Variants in PPFIBP1 observed in about 807,000 individuals in gnomAD.
PPFIBP1 encodes the protein PPFIB scaffold protein 1, also known as liprin-beta-1.
A neutral mutation model predicts 137.8 loss-of-function variants in PPFIBP1; 112 were observed. The observed-to-expected ratio is 0.81, with a 90% confidence interval of 0.70 to 0.95. The LOEUF (loss-of-function observed/expected upper bound fraction) is 0.95. PPFIBP1 is among the 40% of genes least tolerant of loss of function. The pLI, the probability that PPFIBP1 is intolerant of heterozygous loss-of-function variation, is 0.00. For missense variants in PPFIBP1, 1,083 were observed against 1,196.6 expected, an observed-to-expected ratio of 0.91 and a Z score of 1.40; for synonymous variants, 378 against 417.3, an observed-to-expected ratio of 0.91 and a Z score of 1.15.
intron 1 of PPFIBP1, among the ~76,000 whole-genome samples, chr12:27,570,118 A>G (rs2050015668): frequency 6.6e-6 from 1 of 152,294 alleles, no homozygotes; most frequent in South Asian, 2.1e-4. Flanking sequence ...ATGGCTGTTT[A>G]ATATGCATTT....
chr12:27,594,081 AAAAAAAGAAAAGAAG>A (rs2137410183), intron 2 of PPFIBP1: 1 of 1,253,812 alleles, frequency 8.0e-7, no homozygotes, highest in Non-Finnish European at 1.0e-6. Context: ...GAGAAGCTTC[AAAAAAAGAAAAGAAG>A]AAAAAAGAAA....
intron 10 of PPFIBP1, among the ~76,000 whole-genome samples, chr12:27,659,763 A>G (rs2139886968): frequency 6.6e-6 from 1 of 152,272 alleles, no homozygotes; most frequent in Non-Finnish European, 1.5e-5. Flanking sequence ...CCAATGCTGA[A>G]TGATGCACCA....
rs932942500 is a variant in PPFIBP1 at position 27,645,903 on chromosome 12, A to G, written c.271-159A>G. ...ATGCCTGTCTTACCTCTTTTGTGGT[A>G]AATGAACCAAATTGCATTCTCGTAT... On this transcript the variant is annotated intron_variant, in intron 4 of 29. Coordinates refer to ENST00000228425, the MANE Select transcript of PPFIBP1 (RefSeq NM_003622.4). Among the ~76,000 whole-genome samples, 136 of 152,238 alleles carry G rather than the reference A, an allele frequency of 8.9e-4. 1 individual carries two copies. Among genetic ancestry groups the G allele is most frequent in the African/African-American group, 3.1e-3 (128 of 41,458 alleles).
At chr12:27,660,313 G>C (rs960833477) in intron 10 of PPFIBP1, among the ~76,000 whole-genome samples, 1 of 152,108 alleles carries the variant, frequency 6.6e-6, no homozygotes, top group Non-Finnish European at 1.5e-5. Flanking sequence ...TTTATGTCTT[G>C]AAATCTATCT....
intron 4 of PPFIBP1, among the ~76,000 whole-genome samples, chr12:27,644,008 C>T (rs1448731276): frequency 6.6e-6 from 1 of 150,784 alleles, no homozygotes; most frequent in Non-Finnish European, 1.5e-5. Flanking sequence ...CCATATCATA[C>T]AAAGTAGCTT....
At chr12:27,654,918 A>C (rs1363024528) in intron 8 of PPFIBP1, 104 bp downstream of exon 8, 17 of 1,443,656 alleles carry the variant, frequency 1.2e-5, no homozygotes, top group Non-Finnish European at 1.5e-5. Flanking sequence ...ATGATAAAGA[A>C]GGTATTTTAA....
intron 7 of PPFIBP1, among the ~76,000 whole-genome samples, chr12:27,653,127 C>A (rs149472289): frequency 1.8e-3 from 280 of 152,206 alleles, no homozygotes; most frequent in African/African-American, 6.6e-3. Context: ...CTTCTCTTAG[C>A]CTTTGTGAAC....
chr12:27,627,386 G>A (rs2056906582), intron 2 of PPFIBP1, among the ~76,000 whole-genome samples: 1 of 152,152 alleles, frequency 6.6e-6, no homozygotes, highest in African/African-American at 2.4e-5. Flanking sequence ...GAATACTGTG[G>A]CGTTCTACCA....
intron 1 of PPFIBP1, chr12:27,547,010 AAAAC>A (rs1457714653): frequency 1.3e-5 from 2 of 152,332 alleles, no homozygotes; most frequent in Non-Finnish European, 2.9e-5. Context: ...TCAAAAAACA[AAAAC>A]AAATAACCAG....
In PPFIBP1 at chr12:27,672,412, T is replaced by G; in HGVS notation, c.1263-15T>G. 1 of 1,595,704 alleles carries G rather than the reference T, an allele frequency of 6.3e-7. No homozygotes were observed. Among genetic ancestry groups the G allele is most frequent in the African/African-American group, 1.3e-5 (1 of 74,614 alleles). On this transcript the variant is annotated splice_polypyrimidine_tract_variant and intron_variant, in intron 14 of 29. Transcript: ENST00000228425. The stretch of plus-strand genomic sequence containing the variant: ...TCGTGAAGTTAATAAATACCTTTTG[T>G]TCTTTACATTTTAGTGATGGAAACA...
chr12:27,564,166 T>G (rs751938961), intron 1 of PPFIBP1, among the ~76,000 whole-genome samples: 17 of 152,238 alleles, frequency 1.1e-4, no homozygotes, highest in Non-Finnish European at 2.4e-4. Flanking sequence ...CCACCGTGCC[T>G]GGCCAATGCT....
intron 13 of PPFIBP1, 57 bp downstream of exon 13, chr12:27,667,377 T>C: frequency 7.3e-7 from 1 of 1,364,254 alleles, no homozygotes; most frequent in Non-Finnish European, 9.7e-7. Flanking sequence ...TACTGAAAAG[T>C]TAAAACACTG....
At chr12:27,632,436 T>A (rs1429325918) in intron 2 of PPFIBP1, among the ~76,000 whole-genome samples, 1 of 152,218 alleles carries the variant, frequency 6.6e-6, no homozygotes, top group East Asian at 1.9e-4. Context: ...GTACCTGAAA[T>A]GCATTAATGA....
chr12:27,597,893 T>C (rs2053501634), intron 2 of PPFIBP1, among the ~76,000 whole-genome samples: 1 of 152,104 alleles, frequency 6.6e-6, no homozygotes, highest in Non-Finnish European at 1.5e-5. Flanking sequence ...GCAACCTCTG[T>C]CTCCAGGGTT....
chr12:27,650,309 T>C (rs1037030031), intron 7 of PPFIBP1, among the ~76,000 whole-genome samples, 168 bp downstream of exon 7: 8 of 152,248 alleles, frequency 5.3e-5, no homozygotes, highest in African/African-American at 1.9e-4. Flanking sequence ...TAATCTTTCA[T>C]TGCATTGACT....
At position 27,695,060 on chromosome 12, in the gene PPFIBP1, C is replaced by A. The variant is rs1361187871; in HGVS notation, c.*2178C>A. 1 of 151,602 alleles carries A rather than the reference C, an allele frequency of 6.6e-6. No homozygotes were observed. Among genetic ancestry groups the A allele is most frequent in the East Asian group, 1.9e-4 (1 of 5,192 alleles). 9.4% of individuals were successfully genotyped at this position (151,602 alleles called of 1,614,324 possible). A position where few individuals can be genotyped will look rare whatever the true frequency, so the allele number is the denominator to read the frequency against. On this transcript the variant is annotated 3_prime_UTR_variant, in exon 30 of 30. Coordinates refer to ENST00000228425, the MANE Select transcript of PPFIBP1 (RefSeq NM_003622.4). ...TTAATGTGACTAGATGTCACCACTT[C>A]AAAAAATCAATTTGTTCTTAGAACC... is the stretch of plus-strand genomic sequence containing the variant.
chr12:27,637,718 C>G (rs1034749866), intron 4 of PPFIBP1, among the ~76,000 whole-genome samples: 1 of 152,098 alleles, frequency 6.6e-6, no homozygotes, highest in East Asian at 1.9e-4. Context: ...TTTGGAACCA[C>G]AAAAGCATAG....
chr12:27,598,232 G>A (rs1241741662), intron 2 of PPFIBP1, among the ~76,000 whole-genome samples: 1 of 152,206 alleles, frequency 6.6e-6, no homozygotes, highest in Non-Finnish European at 1.5e-5. Context: ...AAAGTTTAAT[G>A]GACTCACAGT....
At chr12:27,607,022 G>A (rs1219463076) in intron 2 of PPFIBP1, among the ~76,000 whole-genome samples, 2 of 152,068 alleles carry the variant, frequency 1.3e-5, no homozygotes, top group African/African-American at 2.4e-5. Context: ...CAAAGAATGG[G>A]GCCTAGAATC....
Sources: gnomAD v4.1 joint callset for allele counts (sites outside exome capture counted in the v4.1 genomes callset) on GRCh38, gnomAD v4.1.1 for gene constraint, MANE v1.5 for transcripts, NCBI Gene and HGNC (gene_info 2026-07-23, HGNC 2026-07-21) for gene names.